Variants in LIN52 observed in about 807,000 individuals in gnomAD.
LIN52 encodes the protein lin-52 DREAM MuvB core complex component.
A neutral mutation model predicts 18.5 loss-of-function variants in LIN52; 4 were observed. That is an observed-to-expected ratio of 0.22 (90% CI 0.11 to 0.49). The LOEUF is 0.49. Among genes scored for constraint, LIN52 ranks in the 20% least tolerant of loss-of-function variants. The pLI is 0.97. For synonymous variants in LIN52, 34 were observed against 45.5 expected, an observed-to-expected ratio of 0.75 and a Z score of 1.02; for missense variants, 102 against 139.5, an observed-to-expected ratio of 0.73 and a Z score of 1.35.
At chr14:74,143,800 T>C (rs1225663676) in intron 5 of LIN52, among the ~76,000 whole-genome samples, 1 of 152,148 alleles carries the variant, frequency 6.6e-6, no homozygotes, top group African/African-American at 2.4e-5. Context: ...TTCAAAAGCC[T>C]CTCTTCCAGC....
chr14:74,119,701 G>A (rs1223592449), intron 5 of LIN52, among the ~76,000 whole-genome samples: 1 of 152,032 alleles, frequency 6.6e-6, no homozygotes, highest in Non-Finnish European at 1.5e-5. Context: ...GTTTTAATTT[G>A]CATTTCCTTA....
At chr14:74,113,757 C>A (rs764084263) in intron 5 of LIN52, among the ~76,000 whole-genome samples, 2 of 151,662 alleles carry the variant, frequency 1.3e-5, no homozygotes, top group African/African-American at 4.9e-5. Flanking sequence ...GATTTTACTA[C>A]AATTTTTTTT....
chr14:74,086,685 A>T (rs994516736), intron 1 of LIN52, among the ~76,000 whole-genome samples: 2 of 152,006 alleles, frequency 1.3e-5, no homozygotes, highest in Admixed American at 6.6e-5. Context: ...AAAAGAAATT[A>T]TGGATGTTTG....
chr14:74,111,353 G>A (rs1267349098), intron 5 of LIN52, among the ~76,000 whole-genome samples: 2 of 151,956 alleles, frequency 1.3e-5, no homozygotes, highest in Non-Finnish European at 2.9e-5. Flanking sequence ...CGGTGGTGCA[G>A]TCATAGCTCA....
chr14:74,111,284 T>C (rs2060925348), intron 5 of LIN52, among the ~76,000 whole-genome samples: 1 of 152,112 alleles, frequency 6.6e-6, no homozygotes, highest in Admixed American at 6.6e-5. Flanking sequence ...AGTATAACTG[T>C]GATTCTTACA....
chr14:74,181,505 G>A (rs1050611921), intron 5 of LIN52, among the ~76,000 whole-genome samples: 16 of 150,964 alleles, frequency 1.1e-4, no homozygotes, highest in East Asian at 9.7e-4. Flanking sequence ...ATTTTCCCCC[G>A]TCTATTGTGT....
Position 74,171,114 on chromosome 14 carries a change from T to C in LIN52, c.284-27808T>C, listed in dbSNP as rs565577381. ...AATGAAAGGTACTGGCCAGGCATAGTGGCTCATGCCTATAATCCTAACACT... is the reference window on the plus strand; with the variant it reads ...AATGAAAGGTACTGGCCAGGCATAGCGGCTCATGCCTATAATCCTAACACT... On this transcript the variant is annotated intron_variant, in intron 5 of 5. Transcript: ENST00000555028. Among the ~76,000 whole-genome samples the C allele has an allele frequency of 3.9e-5, 6 of 151,972 alleles. No homozygotes were observed. In the East Asian group the frequency reaches 1.2e-3, roughly 29 times the overall value.
rs937105104 is a variant in LIN52 at position 74,199,996 on chromosome 14, G to A, written c.*1019G>A. The A allele has an allele frequency of 2.0e-5, 3 of 152,110 alleles. No homozygotes were observed. Among genetic ancestry groups the A allele is most frequent in the African/African-American group, 7.2e-5 (3 of 41,422 alleles). The allele number at this position is 152,110 out of a possible 1,614,324, so 9.4% of individuals were successfully genotyped here. ...AGTTCTTCACCACTTATCTGTCTCT[G>A]TTAAAATCTGAAAATCTAGCCCATG... On this transcript the variant is annotated 3_prime_UTR_variant, in exon 6 of 6. Coordinates refer to ENST00000555028, the MANE Select transcript of LIN52 (RefSeq NM_001024674.3).
In LIN52 at chr14:74,199,199, CA is replaced by C; in HGVS notation, c.*223del. On this transcript the variant is annotated 3_prime_UTR_variant, in exon 6 of 6. Coordinates refer to ENST00000555028, the MANE Select transcript of LIN52 (RefSeq NM_001024674.3). Reference sequence around the variant, plus strand: ...TCATTGCAGTTACTCAATCAACTTTCAGACTTGAACCTTCTTAGCCTCGGAT... The same window carrying C: ...TCATTGCAGTTACTCAATCAACTTTCGACTTGAACCTTCTTAGCCTCGGAT... The C allele has an allele frequency of 2.3e-6, 1 of 426,062 alleles. No homozygotes were observed. Among genetic ancestry groups the C allele is most frequent in the Non-Finnish European group, 4.2e-6 (1 of 240,008 alleles). 26.4% of individuals were successfully genotyped at this position (426,062 alleles called of 1,614,324 possible).
intron 5 of LIN52, among the ~76,000 whole-genome samples, chr14:74,107,431 C>T (rs2060903577): frequency 6.6e-6 from 1 of 152,122 alleles, no homozygotes; most frequent in Non-Finnish European, 1.5e-5. Flanking sequence ...CTTAGTTCTA[C>T]TCATGCTATT....
intron 5 of LIN52, among the ~76,000 whole-genome samples, chr14:74,142,373 CTTTAA>C (rs1316527561): frequency 6.6e-6 from 1 of 152,076 alleles, no homozygotes; most frequent in Non-Finnish European, 1.5e-5. Context: ...GATGCCCAAT[CTTTAA>C]TTTAATAATT....
intron 2 of LIN52, among the ~76,000 whole-genome samples, chr14:74,093,491 A>G (rs1275978399): frequency 6.6e-6 from 1 of 151,118 alleles, no homozygotes; most frequent in Non-Finnish European, 1.5e-5. Context: ...ACACCTGGCT[A>G]ATTTTTGTAT....
rs111456364 is a variant in LIN52 at position 74,116,037 on chromosome 14, C to T, written c.283+14799C>T. Among the ~76,000 whole-genome samples the T allele has an allele frequency of 2.2e-3, 336 of 152,292 alleles. 2 individuals are homozygous for T. Among genetic ancestry groups the T allele is most frequent in the African/African-American group, 7.7e-3 (320 of 41,574 alleles). ...TAAGAAAATGGGCCAGGCATGGTGG[C>T]TCATGCCATAATCCCAGCACTTTGG... On this transcript the variant is annotated intron_variant, in intron 5 of 5. Transcript: ENST00000555028.
chr14:74,163,729 T>C (rs922977418), intron 5 of LIN52, among the ~76,000 whole-genome samples: 1 of 152,078 alleles, frequency 6.6e-6, no homozygotes, highest in Non-Finnish European at 1.5e-5. Context: ...AGCAAGCCTA[T>C]GAAAAATAAT....
intron 5 of LIN52, among the ~76,000 whole-genome samples, chr14:74,169,180 T>C (rs533046606): frequency 6.6e-6 from 1 of 152,358 alleles, no homozygotes; most frequent in African/African-American, 2.4e-5. Context: ...CCTTAGTGAC[T>C]GTTTCTAAAA....
intron 5 of LIN52, among the ~76,000 whole-genome samples, chr14:74,175,748 A>C (rs12147951): frequency 3.9e-4 from 39 of 98,796 alleles, no homozygotes; most frequent in African/African-American, 4.9e-4. Flanking sequence ...ACACACACAC[A>C]CACCCCCATT....
intron 5 of LIN52, among the ~76,000 whole-genome samples, chr14:74,163,272 G>A (rs1220636965): frequency 6.6e-6 from 1 of 152,066 alleles, no homozygotes; most frequent in Non-Finnish European, 1.5e-5. Context: ...TAGAGACGGG[G>A]TTTCACCATA....
chr14:74,090,018 CTT>C (rs34660535), intron 1 of LIN52, among the ~76,000 whole-genome samples: 16 of 125,810 alleles, frequency 1.3e-4, no homozygotes, highest in East Asian at 2.3e-4. Context: ...ACAGTGCACT[CTT>C]TTTTTTTTTT....
rs184276806 is a variant in LIN52, at chr14:74,196,782, T to C, written c.284-2140T>C. ...CTCTGGAAAGTGTTGTGTTAATGAT[T>C]AGCACTATACCAAGCATGTTCATTG... is the stretch of plus-strand genomic sequence containing the variant. On this transcript the variant is annotated intron_variant, in intron 5 of 5. Coordinates refer to ENST00000555028, the MANE Select transcript of LIN52 (RefSeq NM_001024674.3). 1.8e-3 allele frequency among the ~76,000 whole-genome samples: 268 copies of C among 152,290 alleles called. 1 individual carries two copies. The highest frequency in any genetic ancestry group is 6.5e-3 in the Admixed American group (100 of 15,300).
Sources: gnomAD v4.1 joint callset for allele counts (sites outside exome capture counted in the v4.1 genomes callset) on GRCh38, gnomAD v4.1.1 for gene constraint, MANE v1.5 for transcripts, NCBI Gene and HGNC (gene_info 2026-07-23, HGNC 2026-07-21) for gene names.